The following UMAD1 variants were observed in gnomAD, a reference collection of about 807,000 sequenced individuals.
UMAD1 encodes the protein UBAP1-MVB12-associated (UMA) domain containing 1, also known as UBAP1-MVB12-associated (UMA)-domain containing protein 1.
A neutral mutation model predicts 6.1 loss-of-function variants in UMAD1; 8 were observed. That is an observed-to-expected ratio of 1.30 (90% CI 0.76 to 2.35). The LOEUF (loss-of-function observed/expected upper bound fraction) is 2.35. UMAD1 is among the 30% of genes most tolerant of loss of function. The pLI, the probability that UMAD1 is intolerant of heterozygous loss-of-function variation, is 0.00. For missense variants in UMAD1, 130 were observed against 78.4 expected (o/e 1.66, Z -2.49); for synonymous variants, 56 against 31.4 (o/e 1.78, Z -2.61).
At chr7:7,805,715 G>A (rs1022792422) in intron 3 of UMAD1, among the ~76,000 whole-genome samples, 14 of 152,100 alleles carry the variant, frequency 9.2e-5, no homozygotes, top group Admixed American at 5.9e-4. Context: ...TCTTGATGAT[G>A]TTAAGCCCTT....
chr7:7,646,206 G>A (rs573637844), intron 1 of UMAD1, among the ~76,000 whole-genome samples: 4 of 152,260 alleles, frequency 2.6e-5, no homozygotes, highest in South Asian at 2.1e-4. Context: ...GTCTAGCATC[G>A]AGGAGGAATC....
intron 1 of UMAD1, among the ~76,000 whole-genome samples, chr7:7,648,710 C>A (rs1394382059): frequency 6.6e-6 from 1 of 151,636 alleles, no homozygotes; most frequent in African/African-American, 2.4e-5. Flanking sequence ...AATTAGCTGG[C>A]CATGGTGGTG....
At chr7:7,767,218 G>A (rs1028667729) in intron 2 of UMAD1, among the ~76,000 whole-genome samples, 2 of 148,290 alleles carry the variant, frequency 1.3e-5, no homozygotes, top group Non-Finnish European at 3.0e-5. Flanking sequence ...TCCGCCTCCC[G>A]GGTTCACGCC....
intron 2 of UMAD1, among the ~76,000 whole-genome samples, chr7:7,794,695 G>C (rs576957510): frequency 4.2e-4 from 64 of 152,246 alleles, no homozygotes; most frequent in African/African-American, 1.4e-3. Flanking sequence ...AGACCCTGAA[G>C]GAAATAAAAA....
intron 2 of UMAD1, among the ~76,000 whole-genome samples, chr7:7,705,301 CTT>C (rs1404692446): frequency 6.6e-6 from 1 of 152,130 alleles, no homozygotes; most frequent in Non-Finnish European, 1.5e-5. Context: ...AAATATCTGA[CTT>C]ATAAAAAAAT....
intron 2 of UMAD1, among the ~76,000 whole-genome samples, chr7:7,760,443 A>G (rs2115230416): frequency 1.4e-5 from 2 of 147,286 alleles, no homozygotes; most frequent in East Asian, 3.9e-4. Context: ...TAATAATAAT[A>G]ATAATAATAA....
intron 3 of UMAD1, among the ~76,000 whole-genome samples, chr7:7,843,515 G>A (rs1353270147): frequency 2.0e-5 from 3 of 152,094 alleles, no homozygotes; most frequent in African/African-American, 4.8e-5. Flanking sequence ...AATAATATTC[G>A]TATTCTAACA....
At chr7:7,659,413 A>G (rs1169100617) in intron 1 of UMAD1, among the ~76,000 whole-genome samples, 1 of 152,000 alleles carries the variant, frequency 6.6e-6, no homozygotes, top group Non-Finnish European at 1.5e-5. Flanking sequence ...TCGATTTTAG[A>G]TCTTTCCCAC....
chr7:7,649,137 G>A (rs1357942215), intron 1 of UMAD1, among the ~76,000 whole-genome samples: 4 of 118,222 alleles, frequency 3.4e-5, no homozygotes, highest in South Asian at 2.6e-4. Flanking sequence ...CAGCCCGTGC[G>A]ACAAGAGCGA....
rs571062542 is a variant in UMAD1 at position 7,709,034 on chromosome 7, C to A, written c.82+35581C>A. 5.9e-5 allele frequency among the ~76,000 whole-genome samples: 9 copies of A among 151,882 alleles called. 1 individual carries two copies. Among genetic ancestry groups the A allele is most frequent in the African/African-American group, 2.2e-4 (9 of 41,446 alleles). On this transcript the variant is annotated intron_variant, in intron 2 of 3. Transcript: ENST00000682710. ...GGAGAAGACAGAAGAGGAAAACAGTCCTAACTATTAAAAATACCAATTAAC... is the reference window on the plus strand; with the variant it reads ...GGAGAAGACAGAAGAGGAAAACAGTACTAACTATTAAAAATACCAATTAAC...
intron 2 of UMAD1, among the ~76,000 whole-genome samples, chr7:7,788,627 A>T (rs1252369041): frequency 6.8e-6 from 1 of 147,798 alleles, no homozygotes; most frequent in Non-Finnish European, 1.5e-5. Context: ...CTACCTGGTG[A>T]CTCTCCTTTT....
chr7:7,744,989 C>T (rs1325360295), intron 2 of UMAD1, among the ~76,000 whole-genome samples: 2 of 152,152 alleles, frequency 1.3e-5, no homozygotes, highest in Admixed American at 1.3e-4. Context: ...TACTAATAGC[C>T]TACTGTTGAC....
intron 1 of UMAD1, among the ~76,000 whole-genome samples, chr7:7,649,797 T>C (rs979274473): frequency 1.3e-5 from 2 of 152,098 alleles, no homozygotes; most frequent in Admixed American, 6.6e-5. Flanking sequence ...TGATGGCATA[T>C]AGTATTAGGA....
chr7:7,741,124 CA>C (rs1781454473), intron 2 of UMAD1: 1 of 152,108 alleles, frequency 6.6e-6, no homozygotes, highest in Non-Finnish European at 1.5e-5. Context: ...AGCAGTTGTG[CA>C]GTTACATAAA....
intron 2 of UMAD1, among the ~76,000 whole-genome samples, chr7:7,765,626 G>C (rs906156130): frequency 2.6e-5 from 4 of 152,266 alleles, no homozygotes; most frequent in Admixed American, 6.5e-5. Flanking sequence ...GGCCTGCCCT[G>C]AGGGTTATGA....
chr7:7,808,928 A>C (rs531093923), intron 3 of UMAD1, among the ~76,000 whole-genome samples: 105 of 152,068 alleles, frequency 6.9e-4, no homozygotes, highest in Admixed American at 2.0e-3. Flanking sequence ...TGGTATTGAG[A>C]TACTCCTGTG....
chr7:7,697,935 G>C (rs1275437108), intron 2 of UMAD1, among the ~76,000 whole-genome samples: 1 of 152,122 alleles, frequency 6.6e-6, no homozygotes, highest in East Asian at 1.9e-4. Flanking sequence ...ACCTTCATGA[G>C]GGCTGTGAAA....
intron 2 of UMAD1, among the ~76,000 whole-genome samples, chr7:7,743,387 A>C (rs1421756682): frequency 1.3e-5 from 2 of 152,202 alleles, no homozygotes; most frequent in South Asian, 2.1e-4. Flanking sequence ...ATCATTTGTC[A>C]AAAACAGTAT....
At chr7:7,819,553 T>C (rs1269028722) in intron 3 of UMAD1, among the ~76,000 whole-genome samples, 1 of 152,104 alleles carries the variant, frequency 6.6e-6, no homozygotes, top group African/African-American at 2.4e-5. Flanking sequence ...CCATTTTGAG[T>C]TGGATAAAGC....
Sources: allele counts gnomAD v4.1 joint callset (sites outside exome capture counted in the v4.1 genomes callset), GRCh38; gene constraint gnomAD v4.1.1; transcripts MANE v1.5; gene names NCBI Gene and HGNC (gene_info 2026-07-23, HGNC 2026-07-21).